FBXO5: variants seen among roughly 807,000 people sequenced by gnomAD.
FBXO5 encodes the protein F-box protein 5, also known as F-box only protein 5.
Under a neutral mutation model 43.3 loss-of-function variants are expected in FBXO5, and 8 were observed. The ratio of observed to expected loss-of-function variants is 0.18; its 90% confidence interval spans 0.11 to 0.33. The LOEUF (loss-of-function observed/expected upper bound fraction) is 0.33. Ranked by LOEUF, FBXO5 falls within the 10% of genes least tolerant of loss-of-function variation. FBXO5 has a pLI of 1.00. For synonymous variants in FBXO5, 204 were observed against 193.7 expected, an observed-to-expected ratio of 1.05 and a Z score of -0.44; for missense variants, 491 against 535.7, an observed-to-expected ratio of 0.92 and a Z score of 0.82.
upstream of FBXO5, chr6:152,983,199 G>A (rs1030301238): frequency 4.4e-5 from 17 of 387,518 alleles, no homozygotes; most frequent in Non-Finnish European, 6.9e-5. Context: ...CCGAGGCGGG[G>A]CCGAGCCGCG....
intron 1 of FBXO5, among the ~76,000 whole-genome samples, chr6:152,979,789 T>G (rs962881557): frequency 2.6e-4 from 39 of 152,226 alleles, no homozygotes; most frequent in African/African-American, 9.2e-4. Context: ...TTCACATACT[T>G]AAATCATTTT....
intron 1 of FBXO5, among the ~76,000 whole-genome samples, chr6:152,978,750 G>A (rs1778214004): frequency 6.6e-6 from 1 of 152,058 alleles, no homozygotes; most frequent in Non-Finnish European, 1.5e-5. Context: ...CACTTTGGGA[G>A]GCTGAGGTTG....
At position 152,978,376 on chromosome 6, in the gene FBXO5, TTGGGGGGGGG is replaced by T. The variant is rs1484720043; in HGVS notation, c.104-2765_104-2756del. On this transcript the variant is annotated intron_variant, in intron 1 of 4. Coordinates refer to ENST00000229758, the MANE Select transcript of FBXO5 (RefSeq NM_012177.5). ...CATTAATCATGGAGAGCTTCATTTT[TTGGGGGGGGG>T]GGGGGGGCGGGGGACTTCTCAGACC... 1.4e-3 allele frequency among the ~76,000 whole-genome samples: 8 copies of T among 5,706 alleles called. 1 individual carries two copies. The highest frequency in any genetic ancestry group is 2.3e-3 in the African/African-American group (4 of 1,774). 3.7% of individuals were successfully genotyped at this position (5,706 alleles called of 152,430 possible).
chr6:152,982,672 TC>T (rs1158366792), intron 1 of FBXO5, among the ~76,000 whole-genome samples, 184 bp downstream of exon 1: 1 of 151,590 alleles, frequency 6.6e-6, no homozygotes, highest in Admixed American at 6.6e-5. Context: ...TCTTCTGGCT[TC>T]CCCCCGACAC....
At chr6:152,979,923 G>A (rs936542076) in intron 1 of FBXO5, among the ~76,000 whole-genome samples, 4 of 151,980 alleles carry the variant, frequency 2.6e-5, no homozygotes, top group Admixed American at 2.0e-4. Flanking sequence ...TTTGGAAAAA[G>A]GTATTAAATG....
Position 152,982,943 on chromosome 6 carries a change from C to T in FBXO5, c.17G>A (p.Cys6Tyr), listed in dbSNP as rs1233226823. 6 of 1,427,822 alleles carry T rather than the reference C, an allele frequency of 4.2e-6. No individual in the cohort carries two copies. The highest frequency in any genetic ancestry group is 5.5e-6 in the Non-Finnish European group (6 of 1,100,540). 88.4% of individuals were successfully genotyped at this position (1,427,822 alleles called of 1,614,324 possible). The part of the protein sequence containing the change: MSRRP[C>Y]SCALRPPRCS... ...GCGGGGTGGCCGTAGGGCGCAGCTG[C>T]AGGGGCGCCGGCTCATGCCAGCCGA... Residue 6 changes from cysteine (C) to tyrosine (Y), a missense_variant, in exon 1 of 5, where the codon TGC (cysteine) becomes TAC (tyrosine). Coordinates refer to ENST00000229758, the MANE Select transcript of FBXO5 (RefSeq NM_012177.5).
intron 1 of FBXO5, 139 bp from the exon 2 acceptor site, chr6:152,975,760 G>T: frequency 1.7e-6 from 1 of 581,664 alleles, no homozygotes; most frequent in Non-Finnish European, 3.0e-6. Flanking sequence ...ACATAGCTGT[G>T]ATGTTATTCA....
chr6:152,979,555 T>G (rs1410470765), intron 1 of FBXO5, among the ~76,000 whole-genome samples: 1 of 152,252 alleles, frequency 6.6e-6, no homozygotes, highest in Non-Finnish European at 1.5e-5. Context: ...GAAGTCACTA[T>G]GTACACCTCA....
chr6:152,972,613 CTAAA>C (rs977259860), intron 3 of FBXO5, 159 bp from the exon 4 acceptor site: 115 of 573,680 alleles, frequency 2.0e-4, no homozygotes, highest in African/African-American at 1.4e-3. Context: ...AAAGCAAAAC[CTAAA>C]TACTCACACA....
In FBXO5 at chr6:152,975,626, A is replaced by G. The variant is rs202107729; in HGVS notation, c.104-5T>C. 1 of 1,558,228 alleles carries G rather than the reference A, an allele frequency of 6.4e-7. No individual in the cohort carries two copies. The highest frequency in any genetic ancestry group is 1.4e-5 in the African/African-American group (1 of 72,652). On this transcript the variant is annotated splice_polypyrimidine_tract_variant and splice_region_variant and intron_variant, in intron 1 of 4. Transcript: ENST00000229758. The stretch of plus-strand genomic sequence containing the variant: ...TAGAACTTTCTTCTTTACAACCTAT[A>G]AAAAGAACATAACATTTACATCTTA...
chr6:152,970,953 T>G lies in FBXO5; in HGVS notation c.*210A>C. The stretch of plus-strand genomic sequence containing the variant: ...CTTAAAATATTTAAATTGTTTGATT[T>G]GTATTGAGAATTTTAAACTTTTTCT... On this transcript the variant is annotated 3_prime_UTR_variant, in exon 5 of 5. Coordinates refer to ENST00000229758, the MANE Select transcript of FBXO5 (RefSeq NM_012177.5). 2.3e-6 allele frequency: 1 copy of G among 429,786 alleles called. No individual in the cohort carries two copies. Among genetic ancestry groups the G allele is most frequent in the Non-Finnish European group, 4.0e-6 (1 of 247,600 alleles). The allele number at this position is 429,786 out of a possible 1,614,324, so 26.6% of individuals were successfully genotyped here. A position where few individuals can be genotyped will look rare whatever the true frequency, so the allele number is the denominator to read the frequency against.
In FBXO5 at chr6:152,975,158, T is replaced by G. The variant is rs1434813666; in HGVS notation, c.567A>C (p.Lys189Asn). The change falls in exon 2 of 5, where the codon AAA becomes AAC. Residue 189 changes from lysine (K) to asparagine (N), a missense_variant. By Grantham distance (94) the Lys-to-Asn change is moderately conservative (BLOSUM62 0). Transcript: ENST00000229758. ...CAAAATGAAGAACTGGCAGCAAGTTTTTGTTGGGATATTGGTCTGGGCTTT... is the reference window on the plus strand; with the variant it reads ...CAAAATGAAGAACTGGCAGCAAGTTGTTGTTGGGATATTGGTCTGGGCTTT... The part of the protein sequence containing the change: ...QIQSPDQYPN[K>N]NLLPVLHFEK... The G allele has an allele frequency of 6.2e-7, 1 of 1,614,150 alleles. No homozygotes were observed. The highest frequency in any genetic ancestry group is 2.2e-5 in the East Asian group (1 of 44,876).
At chr6:152,972,838 T>G in intron 3 of FBXO5, 1 of 448,130 alleles carries the variant, frequency 2.2e-6, no homozygotes, top group Non-Finnish European at 3.8e-6. Context: ...CTTTGTTACT[T>G]TAGACATTCT....
At chr6:152,981,659 AG>A (rs1398200601) in intron 1 of FBXO5, among the ~76,000 whole-genome samples, 4 of 150,394 alleles carry the variant, frequency 2.7e-5, no homozygotes, top group African/African-American at 9.9e-5. Flanking sequence ...TTATCAAAAA[AG>A]AAAAAAAAAA....
intron 1 of FBXO5, among the ~76,000 whole-genome samples, chr6:152,981,409 C>T (rs1442970492): frequency 6.6e-6 from 1 of 152,186 alleles, no homozygotes; most frequent in Non-Finnish European, 1.5e-5. Context: ...CTAATACCTA[C>T]AGATAACGAC....
In FBXO5 at chr6:152,983,002, G is replaced by T. The variant is rs1023823696; in HGVS notation, c.-43C>A. ...CTGCCTCAGGTGGAGGAACCGCTCC[G>T]GGGGCAGCTGAGCAACCTGCCTGCT... On this transcript the variant is annotated 5_prime_UTR_variant, in exon 1 of 5. Coordinates refer to ENST00000229758, the MANE Select transcript of FBXO5 (RefSeq NM_012177.5). 57 of 1,253,510 alleles carry T rather than the reference G, an allele frequency of 4.5e-5. No homozygotes were observed. In the Admixed American group the frequency reaches 9.2e-4, roughly 20 times the overall value. The allele number at this position is 1,253,510 out of a possible 1,614,324, so 77.6% of individuals were successfully genotyped here. A position where few individuals can be genotyped will look rare whatever the true frequency, so the allele number is the denominator to read the frequency against.
intron 1 of FBXO5, among the ~76,000 whole-genome samples, chr6:152,979,893 A>G (rs1778234948): frequency 6.6e-6 from 1 of 152,172 alleles, no homozygotes; most frequent in Non-Finnish European, 1.5e-5. Flanking sequence ...CATTTCTCCA[A>G]GCACTGTGGT....
chr6:152,982,348 G>A (rs1359769970), intron 1 of FBXO5, among the ~76,000 whole-genome samples: 4 of 152,086 alleles, frequency 2.6e-5, no homozygotes, highest in East Asian at 3.9e-4. Context: ...CTGGGACCGC[G>A]AAAAATCGGG....
intron 4 of FBXO5, 134 bp from the exon 5 acceptor site, chr6:152,971,548 T>C: frequency 1.2e-6 from 1 of 843,350 alleles, no homozygotes; most frequent in East Asian, 2.6e-5. Flanking sequence ...CGATAACTAC[T>C]GCCCTAACTA....
Sources: allele counts gnomAD v4.1 joint callset (sites outside exome capture counted in the v4.1 genomes callset), GRCh38; gene constraint gnomAD v4.1.1; transcripts MANE v1.5; gene names NCBI Gene and HGNC (gene_info 2026-07-23, HGNC 2026-07-21).